ANKRD52: variants seen among roughly 807,000 people sequenced by gnomAD.
ANKRD52 encodes the protein ankyrin repeat domain 52.
In ANKRD52, 7 loss-of-function variants were observed where a neutral mutation model predicts 116.0. The observed-to-expected ratio is 0.06, with a 90% CI of 0.03 to 0.11. ANKRD52 has a LOEUF of 0.11. ANKRD52 is among the 10% of genes least tolerant of loss of function. The pLI is 1.00. For missense variants in ANKRD52, 839 were observed against 1,408.6 expected (o/e 0.60, Z 6.47); for synonymous variants, 528 against 578.1 (o/e 0.91, Z 1.24).
Position 56,253,602 on chromosome 12 carries a change from TCCA to T in ANKRD52, c.985+117_985+119del, listed in dbSNP as rs1178854738. Reference sequence around the variant, plus strand: ...TTTCCACAGGTCCCTTGGTCAGAGTTCCAAGGGCCTATCCTACTGGAAGAGGGC... The same window carrying T: ...TTTCCACAGGTCCCTTGGTCAGAGTTAGGGCCTATCCTACTGGAAGAGGGC... On this transcript the variant is annotated intron_variant, in intron 9 of 27. Coordinates refer to ENST00000267116, the MANE Select transcript of ANKRD52 (RefSeq NM_173595.4). The surrounding 1 kb of genome is among the most constrained non-coding windows in gnomAD (Gnocchi z 5.5). The T allele has an allele frequency of 3.5e-6, 4 of 1,157,158 alleles. No homozygotes were observed. Among genetic ancestry groups the T allele is most frequent in the Non-Finnish European group, 1.2e-6 (1 of 804,006 alleles). The allele number at this position is 1,157,158 out of a possible 1,614,324, so 71.7% of individuals were successfully genotyped here. A position where few individuals can be genotyped will look rare whatever the true frequency, so the allele number is the denominator to read the frequency against.
Position 56,248,721 on chromosome 12 carries a change from C to T in ANKRD52, c.1704+38G>A, listed in dbSNP as rs1333962585. 1 of 1,560,684 alleles carries T rather than the reference C, an allele frequency of 6.4e-7. No homozygotes were observed. Among genetic ancestry groups the T allele is most frequent in the Non-Finnish European group, 8.7e-7 (1 of 1,144,112 alleles). ...GAATCCACAAACCCTGTGCCCTGCC[C>T]CTGCCTCCCCTCCTGCAGGCCGGGC... On this transcript the variant is annotated intron_variant, in intron 16 of 27. Coordinates refer to ENST00000267116, the MANE Select transcript of ANKRD52 (RefSeq NM_173595.4). This position sits in a 1 kb window ranked among gnomAD's most constrained non-coding sequence, Gnocchi z 5.1.
rs1482730434 is a variant in ANKRD52, at chr12:56,255,679, G to C, written c.462+105C>G. On this transcript the variant is annotated intron_variant, in intron 5 of 27. Transcript: ENST00000267116. The surrounding 1 kb of genome is among the most constrained non-coding windows in gnomAD (Gnocchi z 4.3). ...AGCTTAAGTGTTTATATAACCATCC[G>C]GGCTGCTTCTCCTTCAGGCTTGAGG... 1 of 1,060,542 alleles carries C rather than the reference G, an allele frequency of 9.4e-7. No individual in the cohort carries two copies. The highest frequency in any genetic ancestry group is 2.6e-5 in the East Asian group (1 of 37,982). 65.7% of individuals were successfully genotyped at this position (1,060,542 alleles called of 1,614,324 possible). A position where few individuals can be genotyped will look rare whatever the true frequency, so the allele number is the denominator to read the frequency against.
In ANKRD52 at chr12:56,252,158, C is replaced by T. The variant is rs747899353; in HGVS notation, c.1511+17G>A. 6.2e-7 allele frequency: 1 copy of T among 1,613,938 alleles called. No individual in the cohort carries two copies. Among genetic ancestry groups the T allele is most frequent in the Admixed American group, 1.7e-5 (1 of 60,018 alleles). On this transcript the variant is annotated intron_variant, in intron 14 of 27. Transcript: ENST00000267116. This position sits in a 1 kb window ranked among gnomAD's most constrained non-coding sequence, Gnocchi z 4.7. ...GGAGGTGAATGGGGCTGAGAAGGAC[C>T]AGACTGGTAGCCTCACCTCCTGTAA... is the stretch of plus-strand genomic sequence containing the variant.
chr12:56,245,333 C>T, intron 21 of ANKRD52, 44 bp downstream of exon 21: 1 of 1,603,524 alleles, frequency 6.2e-7, no homozygotes, highest in Non-Finnish European at 8.5e-7. Flanking sequence ...TCTACACACA[C>T]TCCAACACAT....
At position 56,247,743 on chromosome 12, in the gene ANKRD52, C is replaced by T; in HGVS notation, c.2010G>A (p.Leu670=). The T allele has an allele frequency of 1.9e-6, 3 of 1,612,704 alleles. No homozygotes were observed. The highest frequency in any genetic ancestry group is 2.5e-6 in the Non-Finnish European group (3 of 1,179,356). ...CAGCTCGTTCCCCACTGTCGATCAG[C>T]AAGTGCAGGGAGTCAGTGTGGCCAG... ...AASGHTDSLH[L]LIDSGERADI... is the part of the protein sequence containing the mutation. The change falls in exon 19 of 28, where the codon TTG becomes TTA. Residue 670 remains leucine, a synonymous_variant. Coordinates refer to ENST00000267116, the MANE Select transcript of ANKRD52 (RefSeq NM_173595.4).
rs1212619212 is a variant in ANKRD52, at chr12:56,243,768, C to T, written c.2980+17G>A. 6.4e-7 allele frequency: 1 copy of T among 1,551,830 alleles called. No individual in the cohort carries two copies. The highest frequency in any genetic ancestry group is 2.0e-5 in the Admixed American group (1 of 51,066). On this transcript the variant is annotated intron_variant, in intron 27 of 27. Coordinates refer to ENST00000267116, the MANE Select transcript of ANKRD52 (RefSeq NM_173595.4). The surrounding 1 kb of genome is among the most constrained non-coding windows in gnomAD (Gnocchi z 4.6). ...CCCCAAACCCAAGAGAGGCATGGGGCCCCAGACCCCACCCACCTTCTTCAT... is the reference window on the plus strand; with the variant it reads ...CCCCAAACCCAAGAGAGGCATGGGGTCCCAGACCCCACCCACCTTCTTCAT...
At chr12:56,257,790 G>A (rs1301685646) in intron 2 of ANKRD52, 38 bp downstream of exon 2, 2 of 1,602,846 alleles carry the variant, frequency 1.2e-6, no homozygotes, top group East Asian at 2.2e-5. Context: ...ACGGGAGCCA[G>A]GATTCCGGTC....
rs1871181492 is a variant in ANKRD52 at position 56,241,820 on chromosome 12, C to T, written c.*1322G>A. ...GCTACATTTAGAGAGAAAACTGCCCCCTCTTCACTCCAGCCCAGTTTGGCT... is the reference window on the plus strand; with the variant it reads ...GCTACATTTAGAGAGAAAACTGCCCTCTCTTCACTCCAGCCCAGTTTGGCT... On this transcript the variant is annotated 3_prime_UTR_variant, in exon 28 of 28. Transcript: ENST00000267116. 2.5e-6 allele frequency: 1 copy of T among 396,636 alleles called. No individual in the cohort carries two copies. Among genetic ancestry groups the T allele is most frequent in the Non-Finnish European group, 4.4e-6 (1 of 225,506 alleles). The allele number at this position is 396,636 out of a possible 1,614,324, so 24.6% of individuals were successfully genotyped here. A position where few individuals can be genotyped will look rare whatever the true frequency, so the allele number is the denominator to read the frequency against.
At chr12:56,247,350 A>AC in intron 20 of ANKRD52, 143 bp downstream of exon 20, 1 of 532,226 alleles carries the variant, frequency 1.9e-6, no homozygotes, top group South Asian at 3.4e-5. Context: ...CTGTCTCAAA[A>AC]AAAAAAAAAA....
Position 56,245,426 on chromosome 12 carries a change from G to A in ANKRD52, c.2355C>T (p.Ala785=), listed in dbSNP as rs775378361. ...QAALSTDPLD[A]GVDYSGYSPM... ...GCGAGTATCCGCTGTAATCCACCCC[G>A]GCATCCAGGGGATCTGTGGAAAGGG... Residue 785 remains alanine (A), a synonymous_variant, in exon 21 of 28, where the codon GCC becomes GCT. Transcript: ENST00000267116. The A allele has an allele frequency of 9.9e-6, 16 of 1,612,684 alleles. No homozygotes were observed. Among genetic ancestry groups the A allele is most frequent in the East Asian group, 4.5e-5 (2 of 44,886 alleles).
Position 56,244,250 on chromosome 12 carries a change from G to A in ANKRD52, c.2805+103C>T, listed in dbSNP as rs954227852. 12 of 1,525,960 alleles carry A rather than the reference G, an allele frequency of 7.9e-6. No individual in the cohort carries two copies. Among genetic ancestry groups the A allele is most frequent in the Non-Finnish European group, 1.1e-5 (12 of 1,104,584 alleles). The allele number at this position is 1,525,960 out of a possible 1,614,324, so 94.5% of individuals were successfully genotyped here. On this transcript the variant is annotated intron_variant, in intron 25 of 27. Coordinates refer to ENST00000267116, the MANE Select transcript of ANKRD52 (RefSeq NM_173595.4). The surrounding 1 kb of genome is among the most constrained non-coding windows in gnomAD (Gnocchi z 4.9). ...AGCTGCCCAACCAGTCGGATAGGCTGGACAATCCTCACTTCTGCCCCAGTC... is the reference window on the plus strand; with the variant it reads ...AGCTGCCCAACCAGTCGGATAGGCTAGACAATCCTCACTTCTGCCCCAGTC...
At chr12:56,245,039 T>A in intron 22 of ANKRD52, 50 bp from the exon 23 acceptor site, 1 of 1,611,268 alleles carries the variant, frequency 6.2e-7, no homozygotes, top group Non-Finnish European at 8.5e-7. Context: ...GGAAGTAGAC[T>A]ACCTGTCCTA....
At position 56,244,243 on chromosome 12, in the gene ANKRD52, A is replaced by T. The variant is rs554019256; in HGVS notation, c.2805+110T>A. On this transcript the variant is annotated intron_variant, in intron 25 of 27. Coordinates refer to ENST00000267116, the MANE Select transcript of ANKRD52 (RefSeq NM_173595.4). This position sits in a 1 kb window ranked among gnomAD's most constrained non-coding sequence, Gnocchi z 4.9. ...GACAAACAGCTGCCCAACCAGTCGG[A>T]TAGGCTGGACAATCCTCACTTCTGC... 7 of 1,522,022 alleles carry T rather than the reference A, an allele frequency of 4.6e-6. No homozygotes were observed. The South Asian group carries it at 7.9e-5, about 17-fold the overall frequency. 94.3% of individuals were successfully genotyped at this position (1,522,022 alleles called of 1,614,324 possible).
Position 56,248,445 on chromosome 12 carries a change from T to C in ANKRD52, c.1776+50A>G. 1 of 1,547,452 alleles carries C rather than the reference T, an allele frequency of 6.5e-7. No individual in the cohort carries two copies. Among genetic ancestry groups the C allele is most frequent in the Non-Finnish European group, 8.8e-7 (1 of 1,138,226 alleles). On this transcript the variant is annotated intron_variant, in intron 17 of 27. Transcript: ENST00000267116. The surrounding 1 kb of genome is among the most constrained non-coding windows in gnomAD (Gnocchi z 5.1). Reference sequence around the variant, plus strand: ...AAGTGCTGGCACCTTTGTTAGGGCCTGGGAACAGGTAGGACAAGGAAGGCA... The same window carrying C: ...AAGTGCTGGCACCTTTGTTAGGGCCCGGGAACAGGTAGGACAAGGAAGGCA...
At position 56,245,611 on chromosome 12, in the gene ANKRD52, G is replaced by C. The variant is rs571006841; in HGVS notation, c.2185-15C>G. ...CCAGTCACTGCCTGTGAGTAACATG[G>C]GGGTGTGAGGGGGATGAAAAGCTCC... On this transcript the variant is annotated splice_polypyrimidine_tract_variant and intron_variant, in intron 20 of 27. Coordinates refer to ENST00000267116, the MANE Select transcript of ANKRD52 (RefSeq NM_173595.4). 6.3e-7 allele frequency: 1 copy of C among 1,599,512 alleles called. No homozygotes were observed.
At position 56,243,752 on chromosome 12, in the gene ANKRD52, C is replaced by G. The variant is rs762891980; in HGVS notation, c.2980+33G>C. 5 of 1,545,802 alleles carry G rather than the reference C, an allele frequency of 3.2e-6. No individual in the cohort carries two copies. In the African/African-American group the frequency reaches 6.9e-5, roughly 21 times the overall value. ...TGAAGAATGTCCCTGACCCCAAACC[C>G]AAGAGAGGCATGGGGCCCCAGACCC... On this transcript the variant is annotated intron_variant, in intron 27 of 27. Transcript: ENST00000267116. This position sits in a 1 kb window ranked among gnomAD's most constrained non-coding sequence, Gnocchi z 4.6.
rs745503911 is a variant in ANKRD52 at position 56,247,711 on chromosome 12, G to A, written c.2042C>T (p.Thr681Ile). 1.1e-5 allele frequency: 18 copies of A among 1,612,174 alleles called. No homozygotes were observed. The South Asian group carries it at 1.8e-4, about 16-fold the overall frequency. ...LIDSGERADITDVMDAYGQTP... is the reference protein window; with the variant it reads ...LIDSGERADIIDVMDAYGQTP... ...CTGTCCATAGGCATCCATGACATCTGTGATGTCAGCTCGTTCCCCACTGTC... is the reference window on the plus strand; with the variant it reads ...CTGTCCATAGGCATCCATGACATCTATGATGTCAGCTCGTTCCCCACTGTC... The change falls in exon 19 of 28, where the codon ACA (threonine) becomes ATA (isoleucine). Residue 681 changes from threonine to isoleucine, a missense_variant. By Grantham distance (89) the Thr-to-Ile change is moderately conservative (BLOSUM62 -1). This residue lies in a region of ANKRD52 where 552 missense variants were observed against 810.6 expected (regional missense o/e 0.68). Transcript: ENST00000267116.
At chr12:56,246,937 T>C (rs1352435204) in intron 20 of ANKRD52, among the ~76,000 whole-genome samples, 1 of 139,910 alleles carries the variant, frequency 7.1e-6, no homozygotes, top group Non-Finnish European at 1.6e-5. Context: ...ATAATAATAA[T>C]AATAATAATA....
chr12:56,247,463 G>A, intron 20 of ANKRD52, 30 bp downstream of exon 20: 1 of 1,534,162 alleles, frequency 6.5e-7, no homozygotes. Flanking sequence ...AGGCCCATGT[G>A]CAAACAATCC....
Sources: allele counts gnomAD v4.1 joint callset (sites outside exome capture counted in the v4.1 genomes callset), GRCh38; gene constraint gnomAD v4.1.1; regional missense constraint gnomAD v4.1.1; non-coding constraint Gnocchi (gnomAD v3.1); transcripts MANE v1.5; gene names NCBI Gene and HGNC (gene_info 2026-07-23, HGNC 2026-07-21).